MMP24: variants seen among roughly 807,000 people sequenced by gnomAD.
The protein encoded by MMP24 is matrix metallopeptidase 24.
In MMP24, 25 loss-of-function variants were observed where a neutral mutation model predicts 62.8. The observed-to-expected ratio is 0.40, with a 90% CI of 0.29 to 0.56. The LOEUF (loss-of-function observed/expected upper bound fraction) is 0.56. Ranked by LOEUF, MMP24 falls within the 20% of genes least tolerant of loss-of-function variation. The pLI, the probability that MMP24 is intolerant of heterozygous loss-of-function variation, is 0.50. For synonymous variants in MMP24, 319 were observed against 350.5 expected, an observed-to-expected ratio of 0.91 and a Z score of 1.00; for missense variants, 634 against 853.6, an observed-to-expected ratio of 0.74 and a Z score of 3.21.
intron 1 of MMP24, among the ~76,000 whole-genome samples, chr20:35,237,747 G>T (rs1056419538): frequency 3.3e-5 from 5 of 152,176 alleles, no homozygotes; most frequent in Non-Finnish European, 7.3e-5. Flanking sequence ...GTAATATTTG[G>T]TATGTGGTGG....
chr20:35,256,765 C>T (rs994389370), intron 4 of MMP24, among the ~76,000 whole-genome samples: 6 of 149,390 alleles, frequency 4.0e-5, no homozygotes, highest in African/African-American at 1.5e-4. Flanking sequence ...GGACCCTAAC[C>T]TCTTGTCATT....
chr20:35,270,029 T>C, intron 7 of MMP24, 131 bp downstream of exon 7: 1 of 1,158,730 alleles, frequency 8.6e-7, no homozygotes, highest in Non-Finnish European at 1.2e-6. Context: ...ACGGAGACAC[T>C]GACCTCTGAC....
At chr20:35,241,931 T>G (rs1357885725) in intron 1 of MMP24, among the ~76,000 whole-genome samples, 1 of 152,226 alleles carries the variant, frequency 6.6e-6, no homozygotes, top group Non-Finnish European at 1.5e-5. Context: ...GTAATTCATC[T>G]TAGTCAAATT....
Position 35,246,087 on chromosome 20 carries a change from A to T in MMP24, c.247-753A>T, listed in dbSNP as rs34928361. ...TAAATATTCTACAACATGATTCTTC[A>T]TCAGGCTTTGACAGCAGACACGGTG... On this transcript the variant is annotated intron_variant, in intron 1 of 8. Transcript: ENST00000246186. 2.0e-5 allele frequency among the ~76,000 whole-genome samples: 3 copies of T among 152,154 alleles called. No individual in the cohort carries two copies. The South Asian group carries it at 6.2e-4, about 32-fold the overall frequency.
rs1278762843 is a variant in MMP24 at position 35,263,892 on chromosome 20, A to T, written c.919A>T (p.Met307Leu). The change falls in exon 5 of 9, where the codon ATG becomes TTG. Residue 307 changes from methionine to leucine, a missense_variant. Physicochemically the swap from Met to Leu is conservative, Grantham distance 15. Transcript: ENST00000246186. ...SAIMAPFYQY[M>L]ETHNFKLPQD... The stretch of plus-strand genomic sequence containing the variant: ...CATCATGGCGCCCTTCTACCAGTAC[A>T]TGGAGACGCACAACTTCAAGCTGCC... 1 of 1,612,964 alleles carries T rather than the reference A, an allele frequency of 6.2e-7. No individual in the cohort carries two copies. The highest frequency in any genetic ancestry group is 1.7e-5 in the Admixed American group (1 of 59,862).
Position 35,254,577 on chromosome 20 carries a change from G to A in MMP24, c.640G>A (p.Asp214Asn), listed in dbSNP as rs1409294569. Residue 214 changes from aspartate to asparagine, a missense_variant, in exon 4 of 9, where the codon GAC (aspartate) becomes AAC (asparagine). Coordinates refer to ENST00000246186, the MANE Select transcript of MMP24 (RefSeq NM_006690.4). ...GGTGCCATACCATGAGATCAAAAGTGACCGGAAGGAGGCAGACATCATGAT... is the reference window on the plus strand; with the variant it reads ...GGTGCCATACCATGAGATCAAAAGTAACCGGAAGGAGGCAGACATCATGAT... Reference protein sequence around the residue: ...EEVPYHEIKSDRKEADIMIFF... With the variant: ...EEVPYHEIKSNRKEADIMIFF... The A allele has an allele frequency of 1.2e-6, 2 of 1,613,954 alleles. No homozygotes were observed. The highest frequency in any genetic ancestry group is 1.7e-6 in the Non-Finnish European group (2 of 1,179,922).
intron 2 of MMP24, among the ~76,000 whole-genome samples, chr20:35,250,815 C>T (rs572890584): frequency 1.4e-4 from 22 of 152,242 alleles, no homozygotes; most frequent in African/African-American, 5.3e-4. Context: ...AACTCACTCA[C>T]TATCAGCAGA....
intron 4 of MMP24, 36 bp downstream of exon 4, chr20:35,254,790 T>C: frequency 6.4e-7 from 1 of 1,556,960 alleles, no homozygotes; most frequent in Non-Finnish European, 8.7e-7. Flanking sequence ...AGTCTTGGGC[T>C]GCTCAGTTGT....
rs746161658 is a variant in MMP24, at chr20:35,271,575, A to T, written c.1340A>T (p.Lys447Met). The part of the protein sequence containing the change: ...DGRFVFFKGD[K>M]YWVFKEVTVE... Reference sequence around the variant, plus strand: ...GGGCTCCTCTTGGCCACAGGTGACAAGTATTGGGTGTTTAAGGAGGTGACG... The same window carrying T: ...GGGCTCCTCTTGGCCACAGGTGACATGTATTGGGTGTTTAAGGAGGTGACG... The change falls in exon 8 of 9, where the codon AAG (lysine) becomes ATG (methionine). Residue 447 changes from lysine (K) to methionine (M), a missense_variant. Lys to Met is a moderately conservative substitution (Grantham distance 95). Around this residue, in one of 3 missense-constraint regions of MMP24, gnomAD observed 399 missense variants for 530.8 expected, o/e 0.75. Coordinates refer to ENST00000246186, the MANE Select transcript of MMP24 (RefSeq NM_006690.4). This position sits in a 1 kb window ranked among gnomAD's most constrained non-coding sequence, Gnocchi z 4.0. The T allele has an allele frequency of 1.2e-6, 2 of 1,612,466 alleles. No homozygotes were observed. Among genetic ancestry groups the T allele is most frequent in the Non-Finnish European group, 8.5e-7 (1 of 1,179,092 alleles).
chr20:35,273,219 T>TC (rs11167265), intron 8 of MMP24, among the ~76,000 whole-genome samples: 151,839 of 151,888 alleles, frequency 1, 75,895 homozygotes, highest in Middle Eastern at 1. Flanking sequence ...ATAGTGAGAT[T>TC]CATCTCTACA....
chr20:35,272,836 G>T (rs551888396), intron 8 of MMP24, among the ~76,000 whole-genome samples: 2 of 152,252 alleles, frequency 1.3e-5, no homozygotes, highest in East Asian at 3.9e-4. Flanking sequence ...TTTATAAAAT[G>T]ATAATAACAG....
chr20:35,268,433 G>A (rs1217027905), intron 6 of MMP24, among the ~76,000 whole-genome samples: 4 of 152,226 alleles, frequency 2.6e-5, no homozygotes, highest in South Asian at 2.1e-4. Context: ...TGAGCACTGC[G>A]CAGGAATCGG....
In MMP24 at chr20:35,274,636, T is replaced by C. The variant is rs2060693590; in HGVS notation, c.*27T>C. ...CAGCCCAGAGCCCTCTCTATCCACT[T>C]GGTCTGGCCAGCCAGGCCCTTCCTC... On this transcript the variant is annotated 3_prime_UTR_variant, in exon 9 of 9. Coordinates refer to ENST00000246186, the MANE Select transcript of MMP24 (RefSeq NM_006690.4). This position sits in a 1 kb window ranked among gnomAD's most constrained non-coding sequence, Gnocchi z 5.1. 6 of 1,548,820 alleles carry C rather than the reference T, an allele frequency of 3.9e-6. No individual in the cohort carries two copies. The highest frequency in any genetic ancestry group is 5.2e-6 in the Non-Finnish European group (6 of 1,143,028).
rs751737858 is a variant in MMP24, at chr20:35,274,497, G to C, written c.1826G>C (p.Cys609Ser). Reference sequence around the variant, plus strand: ...AACGCCGTGGCCGTGGTCATCCCCTGCATCCTGTCCCTCTGCATCCTGGTG... The same window carrying C: ...AACGCCGTGGCCGTGGTCATCCCCTCCATCCTGTCCCTCTGCATCCTGGTG... ...SVNAVAVVIP[C>S]ILSLCILVLV... Residue 609 changes from cysteine to serine, a missense_variant, in exon 9 of 9, where the codon TGC (cysteine) becomes TCC (serine). This residue lies in a region of MMP24 where 399 missense variants were observed against 530.8 expected (regional missense o/e 0.75). Coordinates refer to ENST00000246186, the MANE Select transcript of MMP24 (RefSeq NM_006690.4). The surrounding 1 kb of genome is among the most constrained non-coding windows in gnomAD (Gnocchi z 5.1). The C allele has an allele frequency of 1.6e-5, 26 of 1,613,910 alleles. No individual in the cohort carries two copies. The East Asian group carries it at 5.1e-4, about 32-fold the overall frequency.
In MMP24 at chr20:35,248,308, T is replaced by C. The variant is rs1222508137; in HGVS notation, c.395+1320T>C. Among the ~76,000 whole-genome samples, 76 of 135,528 alleles carry C rather than the reference T, an allele frequency of 5.6e-4. 1 individual carries two copies. The highest frequency in any genetic ancestry group is 2.3e-3 in the Admixed American group (32 of 14,144). The allele number at this position is 135,528 out of a possible 152,430, so 88.9% of individuals were successfully genotyped here. ...TCTAAATTCTAGATTCCCCCCCCCT[T>C]TTTTTTTTTTTTGATGAGATGAAGT... On this transcript the variant is annotated intron_variant, in intron 2 of 8. Transcript: ENST00000246186.
At chr20:35,230,489 T>C (rs956539813) in intron 1 of MMP24, among the ~76,000 whole-genome samples, 7 of 152,236 alleles carry the variant, frequency 4.6e-5, no homozygotes, top group Non-Finnish European at 8.8e-5. Context: ...GGATCTGAAA[T>C]AGGCACTCAT....
chr20:35,230,621 C>G (rs917666623), intron 1 of MMP24, among the ~76,000 whole-genome samples: 3 of 152,138 alleles, frequency 2.0e-5, no homozygotes, highest in African/African-American at 7.2e-5. Flanking sequence ...CAAGCTCACC[C>G]TTGAGTTCCT....
chr20:35,229,003 G>C (rs1007555053), intron 1 of MMP24, among the ~76,000 whole-genome samples: 1 of 152,130 alleles, frequency 6.6e-6, no homozygotes, highest in Non-Finnish European at 1.5e-5. Context: ...CAACACACTA[G>C]GCCACTGCCT....
At chr20:35,244,463 A>T (rs1292778688) in intron 1 of MMP24, among the ~76,000 whole-genome samples, 1 of 152,106 alleles carries the variant, frequency 6.6e-6, no homozygotes. Context: ...TTTTTGAGAC[A>T]GAGTTTTGCT....
Sources: allele counts gnomAD v4.1 joint callset (sites outside exome capture counted in the v4.1 genomes callset), GRCh38; gene constraint gnomAD v4.1.1; regional missense constraint gnomAD v4.1.1; non-coding constraint Gnocchi (gnomAD v3.1); transcripts MANE v1.5; gene names NCBI Gene and HGNC (gene_info 2026-07-23, HGNC 2026-07-21).